The following TVP23C variants were observed in gnomAD, a reference collection of about 807,000 sequenced individuals.
TVP23C encodes Golgi apparatus membrane protein TVP23 homolog C.
A neutral mutation model predicts 28.7 loss-of-function variants in TVP23C; 19 were observed. That is an observed-to-expected ratio of 0.66 (90% CI 0.46 to 0.97). The LOEUF is 0.97. TVP23C is among the 50% of genes least tolerant of loss of function. TVP23C has a pLI of 0.00. For synonymous variants in TVP23C, 68 were observed against 81.7 expected, an observed-to-expected ratio of 0.83 and a Z score of 0.90; for missense variants, 186 against 241.3, an observed-to-expected ratio of 0.77 and a Z score of 1.52.
At chr17:15,557,810 G>C (rs982367983) in intron 1 of TVP23C, among the ~76,000 whole-genome samples, 6 of 140,692 alleles carry the variant, frequency 4.3e-5, no homozygotes, top group Admixed American at 3.0e-4. Context: ...TTCTGGAGGA[G>C]AGTTTGTCAG....
chr17:15,538,801 CG>C lies in TVP23C; in HGVS notation c.*1610del. 3.0e-6 allele frequency: 3 copies of C among 985,022 alleles called. No homozygotes were observed. The highest frequency in any genetic ancestry group is 3.6e-6 in the Non-Finnish European group (3 of 829,858). The allele number at this position is 985,022 out of a possible 1,614,324, so 61.0% of individuals were successfully genotyped here. A position where few individuals can be genotyped will look rare whatever the true frequency, so the allele number is the denominator to read the frequency against. ...CCTTCAGAAACACTGAAAATTCTAACGAAAAAAACCTAATAAGCACATACAT... is the reference window on the plus strand; with the variant it reads ...CCTTCAGAAACACTGAAAATTCTAACAAAAAAACCTAATAAGCACATACAT... On this transcript the variant is annotated 3_prime_UTR_variant, in exon 6 of 6. Coordinates refer to ENST00000518321, the MANE Select transcript of TVP23C (RefSeq NM_001135036.2).
intron 5 of TVP23C, chr17:15,530,737 C>G (rs1597522133): frequency 6.8e-6 from 1 of 147,218 alleles, no homozygotes; most frequent in African/African-American, 2.5e-5. Flanking sequence ...TAGTTTTTAT[C>G]TGGGTATGTT....
intron 5 of TVP23C, among the ~76,000 whole-genome samples, chr17:15,544,050 T>C (rs2938158): frequency 0.39 from 59,232 of 151,228 alleles, 12,033 homozygotes; most frequent in East Asian, 0.55. Flanking sequence ...TAAATACAAA[T>C]ACATCTGGGT....
intron 5 of TVP23C, chr17:15,507,055 G>A: frequency 7.9e-7 from 1 of 1,265,796 alleles, no homozygotes; most frequent in South Asian, 1.2e-5. Flanking sequence ...TATGTGTCAG[G>A]GCGGTGACTT....
At chr17:15,536,021 G>A (rs1418140478), downstream of TVP23C, among the ~76,000 whole-genome samples, 10 of 152,052 alleles carry the variant, frequency 6.6e-5, no homozygotes, top group Non-Finnish European at 1.3e-4. Context: ...GTGAAATCCC[G>A]TCTCTACTAA....
At position 15,538,274 on chromosome 17, in the gene TVP23C, C is replaced by T. The variant is rs542735763; in HGVS notation, c.*2138G>A. ...TCTAAGCAGAGCATTACCTTACATA[C>T]AATGGCCCAATCACATTAAAAAGTA... On this transcript the variant is annotated 3_prime_UTR_variant, in exon 6 of 6. Transcript: ENST00000518321. 158 of 1,510,172 alleles carry T rather than the reference C, an allele frequency of 1.0e-4. 2 individuals are homozygous for T. In the South Asian group the frequency reaches 1.7e-3, roughly 16 times the overall value. The allele number at this position is 1,510,172 out of a possible 1,614,324, so 93.5% of individuals were successfully genotyped here. A position where few individuals can be genotyped will look rare whatever the true frequency, so the allele number is the denominator to read the frequency against.
chr17:15,556,566 GT>G (rs1984142362), intron 1 of TVP23C, among the ~76,000 whole-genome samples: 1 of 151,974 alleles, frequency 6.6e-6, no homozygotes. Context: ...GTTTCACCGT[GT>G]TAACCAGGAG....
chr17:15,542,806 T>C lies in TVP23C; in HGVS notation c.463-2245A>G, dbSNP rs902298849. 5.1e-4 allele frequency among the ~76,000 whole-genome samples: 77 copies of C among 152,312 alleles called. 1 individual carries two copies. The highest frequency in any genetic ancestry group is 1.6e-3 in the African/African-American group (66 of 41,572). The stretch of plus-strand genomic sequence containing the variant: ...CCCATTTATGCTGTAGGCTGCAATT[T>C]TGTGAATTTTTGCATGAGTGAAAAA... On this transcript the variant is annotated intron_variant, in intron 5 of 5. Coordinates refer to ENST00000518321, the MANE Select transcript of TVP23C (RefSeq NM_001135036.2).
At chr17:15,560,921 A>G (rs1472153598) in intron 1 of TVP23C, among the ~76,000 whole-genome samples, 1 of 150,786 alleles carries the variant, frequency 6.6e-6, no homozygotes, top group Non-Finnish European at 1.5e-5. Flanking sequence ...AAACGTTTAA[A>G]AGGATTAAAA....
At chr17:15,506,560 A>G (rs8068610) in intron 5 of TVP23C, among the ~76,000 whole-genome samples, 39,838 of 152,146 alleles carry the variant, frequency 0.26, 5,993 homozygotes, top group African/African-American at 0.41. Context: ...CAACCTGCTC[A>G]GGTCCCCTTC....
chr17:15,554,775 A>T (rs1178901287), intron 2 of TVP23C, among the ~76,000 whole-genome samples: 1 of 152,132 alleles, frequency 6.6e-6, no homozygotes, highest in East Asian at 1.9e-4. Flanking sequence ...GTCTCTACAG[A>T]TTTGCCTATT....
chr17:15,502,571 G>A (rs1398248336), exon 6 of TVP23C: 2 of 342,242 alleles, frequency 5.8e-6, no homozygotes, highest in African/African-American at 4.3e-5. Context: ...CCTTCCTCGG[G>A]GCCGCATGGC....
At chr17:15,530,036 T>C (rs1341170415) in intron 5 of TVP23C, among the ~76,000 whole-genome samples, 1 of 152,202 alleles carries the variant, frequency 6.6e-6, no homozygotes, top group Non-Finnish European at 1.5e-5. Context: ...TGACCTCAAG[T>C]GATCCGCTCA....
At chr17:15,509,838 C>A (rs1023580188) in intron 5 of TVP23C, among the ~76,000 whole-genome samples, 1 of 152,230 alleles carries the variant, frequency 6.6e-6, no homozygotes, top group Non-Finnish European at 1.5e-5. Context: ...ACATGGCATG[C>A]TCTCACTTGG....
intron 4 of TVP23C, among the ~76,000 whole-genome samples, chr17:15,546,312 GA>G (rs996837081): frequency 3.2e-4 from 47 of 148,534 alleles, no homozygotes; most frequent in South Asian, 1.3e-3. Context: ...GTCCAGAGGG[GA>G]AAAAAAAAAC....
intron 3 of TVP23C, among the ~76,000 whole-genome samples, chr17:15,551,683 A>ATT (rs11369260): frequency 0.014 from 2,059 of 149,246 alleles, 45 homozygotes; most frequent in African/African-American, 0.048. Flanking sequence ...TTTGTGTGCG[A>ATT]TTTTTTTTTT....
At chr17:15,502,614 C>T (rs1457162172) in exon 6 of TVP23C, 6 of 535,766 alleles carry the variant, frequency 1.1e-5, no homozygotes, top group Non-Finnish European at 3.0e-6. Context: ...CTGGGGGCTG[C>T]TTGGCCAGGA....
At position 15,563,239 on chromosome 17, in the gene TVP23C, C is replaced by A. The variant is rs934842841; in HGVS notation, c.12+198G>T. The A allele has an allele frequency of 4.0e-6, 4 of 993,976 alleles. No individual in the cohort carries two copies. In the Admixed American group the frequency reaches 9.0e-5, roughly 22 times the overall value. 61.6% of individuals were successfully genotyped at this position (993,976 alleles called of 1,614,324 possible). On this transcript the variant is annotated intron_variant, in intron 1 of 5. Coordinates refer to ENST00000518321, the MANE Select transcript of TVP23C (RefSeq NM_001135036.2). ...CAAGAAGTACTTGCTCTGCGCCGCA[C>A]GGGTCACGCCTCCCCCAGCGGCCTC...
intron 3 of TVP23C, among the ~76,000 whole-genome samples, chr17:15,548,046 A>C (rs2091862680): frequency 6.6e-6 from 1 of 152,190 alleles, no homozygotes; most frequent in South Asian, 2.1e-4. Flanking sequence ...GTAGACAACA[A>C]ACTATGAATG....
Sources: allele counts gnomAD v4.1 joint callset (sites outside exome capture counted in the v4.1 genomes callset), GRCh38; gene constraint gnomAD v4.1.1; transcripts MANE v1.5; gene names NCBI Gene and HGNC (gene_info 2026-07-23, HGNC 2026-07-21).